MACROD2: variants seen among roughly 807,000 people sequenced by gnomAD.
MACROD2 encodes mono-ADP ribosylhydrolase 2.
A neutral mutation model predicts 70.4 loss-of-function variants in MACROD2; 36 were observed. The ratio of observed to expected loss-of-function variants is 0.51; its 90% confidence interval spans 0.39 to 0.68. The LOEUF is 0.68. Ranked by LOEUF, MACROD2 falls within the 30% of genes least tolerant of loss-of-function variation. The pLI, the probability that MACROD2 is intolerant of heterozygous loss-of-function variation, is 0.00. For missense variants in MACROD2, 496 were observed against 538.4 expected (o/e 0.92, Z 0.78); for synonymous variants, 172 against 178.8 (o/e 0.96, Z 0.30).
At chr20:15,536,568 T>C (rs2047878046) in intron 8 of MACROD2, among the ~76,000 whole-genome samples, 1 of 152,216 alleles carries the variant, frequency 6.6e-6, no homozygotes, top group Non-Finnish European at 1.5e-5. Flanking sequence ...TTATAAAGAA[T>C]GCAGTGACCA....
intron 5 of MACROD2, among the ~76,000 whole-genome samples, chr20:15,167,087 A>G (rs2076391153): frequency 1.3e-5 from 2 of 152,040 alleles, no homozygotes; most frequent in South Asian, 2.1e-4. Flanking sequence ...AAGAATCTTC[A>G]GAAAAATTAC....
intron 7 of MACROD2, among the ~76,000 whole-genome samples, chr20:15,433,531 G>C (rs560292696): frequency 7.0e-6 from 1 of 142,672 alleles, no homozygotes; most frequent in South Asian, 2.2e-4. Flanking sequence ...ATCTCTACAA[G>C]ACAAACTATG....
At chr20:15,937,998 GC>G (rs889701438) in intron 12 of MACROD2, among the ~76,000 whole-genome samples, 12 of 151,576 alleles carry the variant, frequency 7.9e-5, no homozygotes, top group African/African-American at 2.7e-4. Context: ...TGAATCTTTG[GC>G]AAGAGCATCA....
chr20:14,045,310 GAGGGCTGCC>G (rs1298134502), intron 2 of MACROD2, among the ~76,000 whole-genome samples: 2 of 152,226 alleles, frequency 1.3e-5, no homozygotes, highest in Admixed American at 6.5e-5. Flanking sequence ...GAGAGCAAGC[GAGGGCTGCC>G]AGGGCTGCCA....
chr20:14,006,636 A>G (rs964577102), intron 2 of MACROD2, among the ~76,000 whole-genome samples: 1 of 152,174 alleles, frequency 6.6e-6, no homozygotes, highest in African/African-American at 2.4e-5. Context: ...TGCTTGAATC[A>G]AGATCTAATC....
At chr20:14,493,586 A>G (rs2084818598) in intron 4 of MACROD2, 78 bp downstream of exon 4, 6 of 1,201,680 alleles carry the variant, frequency 5.0e-6, no homozygotes, top group South Asian at 1.3e-5. Flanking sequence ...AAGTTCTGTG[A>G]CACTTAAAAG....
intron 5 of MACROD2, among the ~76,000 whole-genome samples, chr20:14,845,403 G>A (rs1198672060): frequency 6.6e-6 from 1 of 151,846 alleles, no homozygotes; most frequent in East Asian, 1.9e-4. Context: ...GAATTTCTTG[G>A]TCAGCAAAAA....
At chr20:15,148,530 C>A (rs112533233) in intron 5 of MACROD2, among the ~76,000 whole-genome samples, 8 of 152,010 alleles carry the variant, frequency 5.3e-5, no homozygotes, top group Non-Finnish European at 1.2e-4. Context: ...ACAGTGTAAA[C>A]TGGCACTGTA....
intron 5 of MACROD2, among the ~76,000 whole-genome samples, chr20:15,016,791 G>A (rs971727043): frequency 2.6e-5 from 4 of 152,104 alleles, no homozygotes; most frequent in Non-Finnish European, 5.9e-5. Flanking sequence ...GGGAAAATGA[G>A]GAAGAAGCAA....
intron 3 of MACROD2, among the ~76,000 whole-genome samples, chr20:14,142,847 A>T (rs1368118475): frequency 6.6e-6 from 1 of 152,200 alleles, no homozygotes; most frequent in Non-Finnish European, 1.5e-5. Context: ...GATTCTGTTT[A>T]TAAAGGATCA....
intron 3 of MACROD2, among the ~76,000 whole-genome samples, chr20:14,466,174 T>C (rs2084445297): frequency 6.6e-6 from 1 of 152,132 alleles, no homozygotes; most frequent in African/African-American, 2.4e-5. Flanking sequence ...GGTACACAAA[T>C]TGGACGTAGA....
intron 8 of MACROD2, among the ~76,000 whole-genome samples, chr20:15,672,991 A>C (rs116178170): frequency 1.3e-5 from 2 of 152,148 alleles, no homozygotes; most frequent in Admixed American, 6.5e-5. Context: ...CATGTAAGAC[A>C]TGCCTTTTAC....
intron 3 of MACROD2, among the ~76,000 whole-genome samples, chr20:14,228,077 T>C (rs1422077631): frequency 6.6e-6 from 1 of 152,116 alleles, no homozygotes; most frequent in Non-Finnish European, 1.5e-5. Context: ...AACTGGCTTG[T>C]TTTTAAGAAA....
chr20:15,863,734 T>TCA (rs1364797692), intron 9 of MACROD2, among the ~76,000 whole-genome samples: 1 of 152,194 alleles, frequency 6.6e-6, no homozygotes, highest in African/African-American at 2.4e-5. Flanking sequence ...TGATGCATAT[T>TCA]CATCCTCTTA....
At chr20:14,061,015 A>G (rs780637397) in intron 2 of MACROD2, among the ~76,000 whole-genome samples, 2 of 152,166 alleles carry the variant, frequency 1.3e-5, no homozygotes, top group African/African-American at 4.8e-5. Flanking sequence ...GGGAGTGTGT[A>G]TATAATAAAG....
At chr20:14,833,586 C>T (rs79130827) in intron 5 of MACROD2, among the ~76,000 whole-genome samples, 6,787 of 152,112 alleles carry the variant, frequency 0.045, 296 homozygotes, top group Non-Finnish European at 0.059. Flanking sequence ...TAATTTAATG[C>T]TTGGAAACTT....
chr20:16,035,887 T>G (rs1321950860), intron 15 of MACROD2, among the ~76,000 whole-genome samples: 1 of 151,948 alleles, frequency 6.6e-6, no homozygotes, highest in East Asian at 1.9e-4. Flanking sequence ...AACTGTCAAA[T>G]GCATTTCAAG....
At chr20:15,997,435 TC>T (rs1450613548) in intron 15 of MACROD2, among the ~76,000 whole-genome samples, 2 of 152,168 alleles carry the variant, frequency 1.3e-5, no homozygotes, top group Non-Finnish European at 2.9e-5. Context: ...TTATATATAT[TC>T]CTAAGTATTT....
intron 3 of MACROD2, among the ~76,000 whole-genome samples, chr20:14,378,080 C>T (rs1302513752): frequency 6.6e-6 from 1 of 152,164 alleles, no homozygotes; most frequent in Non-Finnish European, 1.5e-5. Context: ...TCAGAATTAC[C>T]TGGAGAGCTT....
Sources: allele counts gnomAD v4.1 joint callset (sites outside exome capture counted in the v4.1 genomes callset), GRCh38; gene constraint gnomAD v4.1.1; transcripts MANE v1.5; gene names NCBI Gene and HGNC (gene_info 2026-07-23, HGNC 2026-07-21).